PCCA: variants seen among roughly 807,000 people sequenced by gnomAD.
PCCA encodes propionyl-CoA carboxylase alpha chain, mitochondrial.
Under a neutral mutation model 101.3 loss-of-function variants are expected in PCCA, and 74 were observed. That is an observed-to-expected ratio of 0.73 (90% CI 0.61 to 0.89). The LOEUF (loss-of-function observed/expected upper bound fraction) is 0.89. Among genes scored for constraint, PCCA ranks in the 40% least tolerant of loss-of-function variants. The pLI, the probability that PCCA is intolerant of heterozygous loss-of-function variation, is 0.00. For synonymous variants in PCCA, 294 were observed against 313.6 expected (o/e 0.94, Z 0.66); for missense variants, 891 against 907.0 (o/e 0.98, Z 0.23).
At chr13:100,402,307 A>G (rs972714999) in intron 19 of PCCA, among the ~76,000 whole-genome samples, 4 of 151,952 alleles carry the variant, frequency 2.6e-5, no homozygotes, top group Non-Finnish European at 4.4e-5. Context: ...AATCAAATGT[A>G]AAAAACACTT....
intron 17 of PCCA, among the ~76,000 whole-genome samples, chr13:100,334,351 T>C (rs1407878256): frequency 6.6e-6 from 1 of 152,016 alleles, no homozygotes; most frequent in Non-Finnish European, 1.5e-5. Flanking sequence ...CTTTTCTCCT[T>C]CCCCCACACC....
intron 12 of PCCA, among the ~76,000 whole-genome samples, chr13:100,282,413 G>C (rs979268697): frequency 6.6e-6 from 1 of 152,256 alleles, no homozygotes; most frequent in Non-Finnish European, 1.5e-5. Flanking sequence ...CAAGGCCAGA[G>C]CCGGCTCTCT....
chr13:100,325,114 AAAATG>A (rs1337497184), intron 16 of PCCA, among the ~76,000 whole-genome samples: 1 of 152,204 alleles, frequency 6.6e-6, no homozygotes, highest in Non-Finnish European at 1.5e-5. Flanking sequence ...AAAAAAAAAT[AAAATG>A]AAATTTATGA....
intron 7 of PCCA, among the ~76,000 whole-genome samples, chr13:100,212,005 G>T (rs1401403362): frequency 6.6e-6 from 1 of 152,178 alleles, no homozygotes; most frequent in Non-Finnish European, 1.5e-5. Flanking sequence ...CTCCCAAAGT[G>T]CTGGGATTAC....
At chr13:100,451,475 C>T (rs1198195308) in intron 21 of PCCA, among the ~76,000 whole-genome samples, 5 of 152,142 alleles carry the variant, frequency 3.3e-5, no homozygotes, top group South Asian at 2.1e-4. Context: ...AGCTGCATTA[C>T]GTGGATGGAG....
intron 21 of PCCA, among the ~76,000 whole-genome samples, chr13:100,480,651 A>G (rs1390216735): frequency 2.6e-5 from 4 of 152,150 alleles, no homozygotes. Flanking sequence ...AGATTAAACC[A>G]AAAAACGCCC....
intron 15 of PCCA, among the ~76,000 whole-genome samples, chr13:100,307,753 G>A (rs2066566915): frequency 6.6e-6 from 1 of 152,196 alleles, no homozygotes; most frequent in African/African-American, 2.4e-5. Context: ...TCTTTTTGAA[G>A]TTTGACTTTC....
At chr13:100,127,846 C>T (rs1234507013) in intron 4 of PCCA, among the ~76,000 whole-genome samples, 11 of 152,100 alleles carry the variant, frequency 7.2e-5, no homozygotes, top group Non-Finnish European at 1.3e-4. Context: ...GAGCCGAGAT[C>T]GCGCCACTGC....
chr13:100,183,713 G>T (rs1465190716), intron 6 of PCCA, among the ~76,000 whole-genome samples: 4 of 152,126 alleles, frequency 2.6e-5, no homozygotes, highest in African/African-American at 7.2e-5. Context: ...AAGGGGTGCT[G>T]CATTGAGCCA....
intron 19 of PCCA, among the ~76,000 whole-genome samples, chr13:100,380,693 T>A (rs2076175193): frequency 6.6e-6 from 1 of 152,162 alleles, no homozygotes; most frequent in African/African-American, 2.4e-5. Context: ...TAATCCAAAA[T>A]GGATTGAAGA....
chr13:100,461,576 T>C (rs992001574), intron 21 of PCCA, among the ~76,000 whole-genome samples: 9 of 152,332 alleles, frequency 5.9e-5, no homozygotes, highest in African/African-American at 2.2e-4. Flanking sequence ...CCATAAGCAG[T>C]CCCTCAACTG....
intron 9 of PCCA, among the ~76,000 whole-genome samples, 157 bp downstream of exon 9, chr13:100,257,830 A>T (rs1369326588): frequency 6.6e-6 from 1 of 152,216 alleles, no homozygotes; most frequent in Non-Finnish European, 1.5e-5. Context: ...AATTATGTGG[A>T]AACCTTCCTT....
intron 18 of PCCA, among the ~76,000 whole-genome samples, chr13:100,344,500 G>A (rs1344856520): frequency 6.6e-6 from 1 of 152,120 alleles, no homozygotes; most frequent in Non-Finnish European, 1.5e-5. Context: ...AATACTTGGG[G>A]CATGCTTTTG....
intron 2 of PCCA, among the ~76,000 whole-genome samples, chr13:100,104,030 C>A (rs574287265): frequency 1.3e-5 from 2 of 152,072 alleles, no homozygotes; most frequent in African/African-American, 2.4e-5. Context: ...ATGTTTGAGC[C>A]TTGTAGGGAC....
At chr13:100,403,519 G>C (rs114462711) in intron 19 of PCCA, among the ~76,000 whole-genome samples, 2 of 152,116 alleles carry the variant, frequency 1.3e-5, no homozygotes, top group Non-Finnish European at 2.9e-5. Context: ...CACAGTGAGC[G>C]GGGGTGGGGA....
chr13:100,437,090 T>C (rs1449363718), intron 20 of PCCA, among the ~76,000 whole-genome samples: 1 of 152,036 alleles, frequency 6.6e-6, no homozygotes, highest in African/African-American at 2.4e-5. Flanking sequence ...TAGCTATTGA[T>C]AGTATCAATA....
chr13:100,157,873 T>C (rs1328855103), intron 6 of PCCA, among the ~76,000 whole-genome samples: 1 of 152,224 alleles, frequency 6.6e-6, no homozygotes, highest in African/African-American at 2.4e-5. Context: ...ATGATTTTGA[T>C]TAATGTTTGT....
intron 2 of PCCA, among the ~76,000 whole-genome samples, chr13:100,104,955 A>C: frequency 6.6e-6 from 1 of 152,094 alleles, no homozygotes; most frequent in Admixed American, 6.6e-5. Flanking sequence ...TTCCTGCCTC[A>C]GCCTCCCAAA....
At chr13:100,224,520 A>G (rs1288371252) in intron 7 of PCCA, among the ~76,000 whole-genome samples, 2 of 152,242 alleles carry the variant, frequency 1.3e-5, no homozygotes, top group Non-Finnish European at 2.9e-5. Flanking sequence ...TGGGCTGATC[A>G]GGTCCCTCAA....
Sources: allele counts gnomAD v4.1 joint callset (sites outside exome capture counted in the v4.1 genomes callset), GRCh38; gene constraint gnomAD v4.1.1; transcripts MANE v1.5; gene names NCBI Gene and HGNC (gene_info 2026-07-23, HGNC 2026-07-21).